BEND7: variants seen among roughly 807,000 people sequenced by gnomAD.
BEND7 encodes the protein BEN domain-containing protein 7.
In BEND7, 28 loss-of-function variants were observed where a neutral mutation model predicts 50.9. That is an observed-to-expected ratio of 0.55 (90% CI 0.41 to 0.75). The LOEUF (loss-of-function observed/expected upper bound fraction) is 0.75, where lower values mean the gene tolerates loss of function less well. BEND7 is among the 30% of genes least tolerant of loss of function. The pLI, the probability that BEND7 is intolerant of heterozygous loss-of-function variation, is 0.00. For missense variants in BEND7, 477 were observed against 491.3 expected, an observed-to-expected ratio of 0.97 and a Z score of 0.28; for synonymous variants, 170 against 183.9, an observed-to-expected ratio of 0.92 and a Z score of 0.61.
rs1185503229 is a variant in BEND7 at position 13,441,621 on chromosome 10, G to C, written c.*122C>G. 7.0e-6 allele frequency: 11 copies of C among 1,563,406 alleles called. No homozygotes were observed. Among genetic ancestry groups the C allele is most frequent in the Non-Finnish European group, 9.5e-6 (11 of 1,156,624 alleles). ...CAACATACTCATCCTATTTTAACACGGCGAAAGGTCACCAATTAATCTTCT... is the reference window on the plus strand; with the variant it reads ...CAACATACTCATCCTATTTTAACACCGCGAAAGGTCACCAATTAATCTTCT... On this transcript the variant is annotated 3_prime_UTR_variant, in exon 9 of 9. Coordinates refer to ENST00000466271, the MANE Select transcript of BEND7 (RefSeq NM_001369863.1).
At chr10:13,458,661 C>G (rs961137549) in intron 6 of BEND7, among the ~76,000 whole-genome samples, 1 of 152,178 alleles carries the variant, frequency 6.6e-6, no homozygotes, top group African/African-American at 2.4e-5. Flanking sequence ...AAAACTGGGT[C>G]CTCATTAGAT....
chr10:13,496,870 T>C lies in BEND7; in HGVS notation c.467A>G (p.Asn156Ser). ...ACAGCAGTTTGATCCAGCTGATGAATTCACCACTGGAAGTTCTCCTGAGCA... is the reference window on the plus strand; with the variant it reads ...ACAGCAGTTTGATCCAGCTGATGAACTCACCACTGGAAGTTCTCCTGAGCA... The part of the protein sequence containing the change: ...TSSNGELPVV[N>S]SSAGSNCCTC... The change falls in exon 4 of 9, where the codon AAT becomes AGT. Residue 156 changes from asparagine to serine, a missense_variant. Coordinates refer to ENST00000466271, the MANE Select transcript of BEND7 (RefSeq NM_001369863.1). 6.2e-7 allele frequency: 1 copy of C among 1,605,392 alleles called. No individual in the cohort carries two copies. Among genetic ancestry groups the C allele is most frequent in the Non-Finnish European group, 8.5e-7 (1 of 1,178,060 alleles).
chr10:13,528,574 CAG>C lies in BEND7; in HGVS notation c.-43_-42del. ...GCGGCGGGGGCTGAGGAGGCGGCGG[CAG>C]CGGCGGCAGCGGCAGCGGCGGCAGC... On this transcript the variant is annotated 5_prime_UTR_variant, in exon 1 of 9. Coordinates refer to ENST00000466271, the MANE Select transcript of BEND7 (RefSeq NM_001369863.1). 1 of 22,188 alleles carries C rather than the reference CAG, an allele frequency of 4.5e-5. No homozygotes were observed. The highest frequency in any genetic ancestry group is 5.0e-5 in the Non-Finnish European group (1 of 20,080). The allele number at this position is 22,188 out of a possible 1,614,324, so 1.4% of individuals were successfully genotyped here.
intron 6 of BEND7, among the ~76,000 whole-genome samples, chr10:13,475,934 C>T (rs1398303759): frequency 2.0e-5 from 3 of 152,112 alleles, no homozygotes; most frequent in Non-Finnish European, 4.4e-5. Context: ...ATAAAATAAT[C>T]AACATTGGAG....
At chr10:13,499,627 T>C in intron 3 of BEND7, 151 bp downstream of exon 3, 1 of 941,468 alleles carries the variant, frequency 1.1e-6, no homozygotes, top group East Asian at 2.5e-5. Context: ...TTCAACTCTT[T>C]CCTTTGTGTC....
At chr10:13,513,549 C>T (rs12262884) in intron 2 of BEND7, among the ~76,000 whole-genome samples, 18,904 of 152,130 alleles carry the variant, frequency 0.12, 1,809 homozygotes, top group African/African-American at 0.27. Context: ...CTCCCTCCCA[C>T]AGCTGATTCG....
chr10:13,481,957 A>C (rs561768848), intron 5 of BEND7, among the ~76,000 whole-genome samples: 2 of 152,322 alleles, frequency 1.3e-5, no homozygotes, highest in African/African-American at 2.4e-5. Flanking sequence ...TTTACAGCTC[A>C]CCTTTGAATC....
chr10:13,441,723 C>A lies in BEND7; in HGVS notation c.*20G>T, dbSNP rs771435081. On this transcript the variant is annotated 3_prime_UTR_variant, in exon 9 of 9. Transcript: ENST00000466271. ...ACCCATGGTGCAAAAAACACAAGAGCTGTGGTTTGCAGTCCTTCATCAGAC... is the reference window on the plus strand; with the variant it reads ...ACCCATGGTGCAAAAAACACAAGAGATGTGGTTTGCAGTCCTTCATCAGAC... 7 of 1,613,692 alleles carry A rather than the reference C, an allele frequency of 4.3e-6. No homozygotes were observed. Among genetic ancestry groups the A allele is most frequent in the African/African-American group, 1.3e-5 (1 of 74,900 alleles).
At chr10:13,474,280 T>A (rs1301383548) in intron 6 of BEND7, among the ~76,000 whole-genome samples, 1 of 151,040 alleles carries the variant, frequency 6.6e-6, no homozygotes, top group Non-Finnish European at 1.5e-5. Context: ...TCGGGGCTGA[T>A]ACCCGTCATC....
rs376456137 is a variant in BEND7, at chr10:13,447,915, G to A, written c.1184-599C>T. Reference sequence around the variant, plus strand: ...TGAATTGTTTAAATAGGGTCATCGCGGGGATGTGTCAATGAATTCCTGCTG... The same window carrying A: ...TGAATTGTTTAAATAGGGTCATCGCAGGGATGTGTCAATGAATTCCTGCTG... On this transcript the variant is annotated intron_variant, in intron 7 of 8. Transcript: ENST00000466271. Among the ~76,000 whole-genome samples the A allele has an allele frequency of 1.4e-4, 21 of 152,226 alleles. No individual in the cohort carries two copies. The East Asian group carries it at 1.7e-3, about 13-fold the overall frequency.
At chr10:13,513,211 C>A (rs1236515718) in intron 2 of BEND7, among the ~76,000 whole-genome samples, 1 of 152,172 alleles carries the variant, frequency 6.6e-6, no homozygotes, top group Non-Finnish European at 1.5e-5. Flanking sequence ...CAGGTCACAA[C>A]CACTGGTGTG....
At chr10:13,488,841 G>A (rs1366326885) in intron 5 of BEND7, among the ~76,000 whole-genome samples, 1 of 152,178 alleles carries the variant, frequency 6.6e-6, no homozygotes, top group Non-Finnish European at 1.5e-5. Flanking sequence ...TCTGTGTATA[G>A]TTGAGGTTTG....
At chr10:13,482,907 T>C (rs928028752) in intron 5 of BEND7, among the ~76,000 whole-genome samples, 8 of 152,178 alleles carry the variant, frequency 5.3e-5, no homozygotes, top group African/African-American at 1.9e-4. Flanking sequence ...ACTATTAGGA[T>C]TGAGAGAATT....
chr10:13,474,318 C>T (rs979111338), intron 6 of BEND7, among the ~76,000 whole-genome samples: 1 of 151,346 alleles, frequency 6.6e-6, no homozygotes, highest in Non-Finnish European at 1.5e-5. Flanking sequence ...CGATATCCAT[C>T]ATCGCTGTTA....
intron 4 of BEND7, among the ~76,000 whole-genome samples, chr10:13,495,699 A>G (rs1023884955): frequency 8.5e-5 from 13 of 152,224 alleles, no homozygotes; most frequent in Admixed American, 7.2e-4. Context: ...AGTAGCTCAC[A>G]TTACTTTAAT....
At chr10:13,519,503 A>C (rs1272881834) in intron 2 of BEND7, among the ~76,000 whole-genome samples, 4 of 152,160 alleles carry the variant, frequency 2.6e-5, no homozygotes, top group Non-Finnish European at 5.9e-5. Flanking sequence ...AAAAAAAGAA[A>C]AGATAACTCC....
intron 3 of BEND7, among the ~76,000 whole-genome samples, chr10:13,498,911 T>C (rs1312904030): frequency 6.6e-6 from 1 of 152,154 alleles, no homozygotes; most frequent in African/African-American, 2.4e-5. Context: ...GAACCACAAA[T>C]TGTGTTTTTA....
At chr10:13,463,080 C>G (rs544758383) in intron 6 of BEND7, among the ~76,000 whole-genome samples, 3 of 152,176 alleles carry the variant, frequency 2.0e-5, no homozygotes, top group South Asian at 4.1e-4. Context: ...AACAAAGACT[C>G]GAAGACCCTC....
intron 6 of BEND7, among the ~76,000 whole-genome samples, chr10:13,456,275 G>A (rs1336718396): frequency 1.3e-5 from 2 of 152,150 alleles, no homozygotes; most frequent in South Asian, 2.1e-4. Flanking sequence ...CTGAGATACC[G>A]GAGCATGCAG....
Sources: gnomAD v4.1 joint callset for allele counts (sites outside exome capture counted in the v4.1 genomes callset) on GRCh38, gnomAD v4.1.1 for gene constraint, MANE v1.5 for transcripts, NCBI Gene and HGNC (gene_info 2026-07-23, HGNC 2026-07-21) for gene names.